SHISA6: variants seen among roughly 807,000 people sequenced by gnomAD.
SHISA6 encodes the protein shisa family member 6, also known as protein shisa-6.
Under a neutral mutation model 47.9 loss-of-function variants are expected in SHISA6, and 22 were observed. That is an observed-to-expected ratio of 0.46 (90% CI 0.33 to 0.66). The LOEUF (loss-of-function observed/expected upper bound fraction) is 0.66. SHISA6 is among the 30% of genes least tolerant of loss of function. SHISA6 has a pLI of 0.02. For missense variants in SHISA6, 680 were observed against 764.6 expected (o/e 0.89, Z 1.30); for synonymous variants, 388 against 337.8 (o/e 1.15, Z -1.63).
intron 2 of SHISA6, among the ~76,000 whole-genome samples, chr17:11,364,234 C>T (rs541116540): frequency 2.5e-4 from 38 of 152,166 alleles, no homozygotes; most frequent in Admixed American, 4.6e-4. Flanking sequence ...AAATAAAGAA[C>T]GTTTCCATCA....
intron 2 of SHISA6, among the ~76,000 whole-genome samples, chr17:11,332,970 G>A (rs1911180185): frequency 6.6e-6 from 1 of 152,204 alleles, no homozygotes; most frequent in Admixed American, 6.5e-5. Flanking sequence ...GTGTCCAGAT[G>A]AGATGGTGAT....
chr17:11,556,826 AAGGCCATGTGTAGG>A (rs2071985636), intron 5 of SHISA6, among the ~76,000 whole-genome samples: 1 of 152,138 alleles, frequency 6.6e-6, no homozygotes, highest in South Asian at 2.1e-4. Context: ...AGAGATCTAG[AAGGCCATGTGTAGG>A]AGGCCTCATT....
chr17:11,470,131 T>G (rs1915902246), intron 3 of SHISA6, among the ~76,000 whole-genome samples: 1 of 152,192 alleles, frequency 6.6e-6, no homozygotes, highest in Admixed American at 6.5e-5. Context: ...GATCTGAAAC[T>G]TCCAGCATCT....
chr17:11,409,301 C>T (rs1414553769), intron 3 of SHISA6, among the ~76,000 whole-genome samples: 1 of 152,144 alleles, frequency 6.6e-6, no homozygotes, highest in South Asian at 2.1e-4. Flanking sequence ...CCCACTTTCC[C>T]CCCCAAAATT....
intron 2 of SHISA6, among the ~76,000 whole-genome samples, chr17:11,300,467 GC>G (rs1909887673): frequency 6.6e-6 from 1 of 152,084 alleles, no homozygotes; most frequent in African/African-American, 2.4e-5. Flanking sequence ...TTTCCAGGCA[GC>G]CCTGTCAGTT....
At chr17:11,315,383 A>G (rs967072255) in intron 2 of SHISA6, among the ~76,000 whole-genome samples, 1 of 152,156 alleles carries the variant, frequency 6.6e-6, no homozygotes, top group African/African-American at 2.4e-5. Flanking sequence ...ACCTGCAAAG[A>G]ATGACAGCTA....
chr17:11,390,353 C>T (rs1264231959), intron 3 of SHISA6, among the ~76,000 whole-genome samples: 1 of 152,134 alleles, frequency 6.6e-6, no homozygotes, highest in Non-Finnish European at 1.5e-5. Flanking sequence ...AGGAGAAACA[C>T]CTGCACCAGA....
chr17:11,386,946 A>G (rs1372146770), intron 3 of SHISA6, among the ~76,000 whole-genome samples: 2 of 152,226 alleles, frequency 1.3e-5, no homozygotes, highest in Non-Finnish European at 2.9e-5. Flanking sequence ...AAATGAGGAC[A>G]GTTGGTCACC....
intron 3 of SHISA6, among the ~76,000 whole-genome samples, chr17:11,432,282 T>G (rs892768676): frequency 1.3e-5 from 2 of 152,176 alleles, no homozygotes; most frequent in Admixed American, 6.6e-5. Flanking sequence ...CAACTCTCAG[T>G]AGGGTGGACT....
intron 2 of SHISA6, among the ~76,000 whole-genome samples, chr17:11,322,572 C>G (rs1910749682): frequency 6.6e-6 from 1 of 152,158 alleles, no homozygotes; most frequent in African/African-American, 2.4e-5. Flanking sequence ...GAAGGACATG[C>G]TGAGGACTTG....
At chr17:11,497,773 C>T (rs909129631) in intron 3 of SHISA6, among the ~76,000 whole-genome samples, 1 of 152,088 alleles carries the variant, frequency 6.6e-6, no homozygotes, top group Non-Finnish European at 1.5e-5. Flanking sequence ...TCCTCCTGGC[C>T]TTCTCTGTCT....
chr17:11,522,421 G>A (rs539874589), intron 3 of SHISA6, among the ~76,000 whole-genome samples: 17 of 152,222 alleles, frequency 1.1e-4, no homozygotes, highest in Middle Eastern at 3.4e-3. Context: ...GCAACAGCAC[G>A]CCTGGGTATT....
chr17:11,347,669 G>A (rs186997263), intron 2 of SHISA6, among the ~76,000 whole-genome samples: 107 of 152,298 alleles, frequency 7.0e-4, no homozygotes, highest in Middle Eastern at 6.8e-3. Context: ...GGAGAAAGGA[G>A]GAGAGAGCAG....
chr17:11,274,038 C>T (rs1908783341), intron 2 of SHISA6, among the ~76,000 whole-genome samples: 1 of 152,180 alleles, frequency 6.6e-6, no homozygotes, highest in African/African-American at 2.4e-5. Context: ...CAAAGCTTTC[C>T]AGAAGCCAGA....
chr17:11,306,536 T>A (rs940344065), intron 2 of SHISA6, among the ~76,000 whole-genome samples: 2 of 152,220 alleles, frequency 1.3e-5, no homozygotes, highest in African/African-American at 4.8e-5. Context: ...GTATTCATCC[T>A]TGGGGTCTTC....
intron 2 of SHISA6, among the ~76,000 whole-genome samples, chr17:11,313,824 G>C (rs775728450): frequency 6.6e-6 from 1 of 152,164 alleles, no homozygotes; most frequent in Non-Finnish European, 1.5e-5. Context: ...GATGCTGGAG[G>C]AGAGATGAGT....
rs147176740 is a variant in SHISA6, at chr17:11,503,797, C to G, written c.896-48099C>G. Among the ~76,000 whole-genome samples the G allele has an allele frequency of 7.3e-3, 1,105 of 152,286 alleles. 8 individuals are homozygous for G. The highest frequency in any genetic ancestry group is 0.012 in the Non-Finnish European group (832 of 68,036). Reference sequence around the variant, plus strand: ...TGCTGTTTCATATAGGAATGTATACCAGATGTAGCCGGCGCTACTGTGGCT... The same window carrying G: ...TGCTGTTTCATATAGGAATGTATACGAGATGTAGCCGGCGCTACTGTGGCT... On this transcript the variant is annotated intron_variant, in intron 3 of 5. Transcript: ENST00000441885.
intron 2 of SHISA6, among the ~76,000 whole-genome samples, chr17:11,271,383 A>G (rs1040878081): frequency 6.6e-6 from 1 of 152,130 alleles, no homozygotes; most frequent in Non-Finnish European, 1.5e-5. Flanking sequence ...GATGATGACA[A>G]ACTCGGGATT....
At chr17:11,379,540 CA>C (rs1567589526) in intron 3 of SHISA6, 31 bp downstream of exon 3, 1 of 1,451,202 alleles carries the variant, frequency 6.9e-7, no homozygotes, top group Admixed American at 2.1e-5. Flanking sequence ...TACTAAAATA[CA>C]GAGGTTGCCT....
Sources: gnomAD v4.1 joint callset for allele counts (sites outside exome capture counted in the v4.1 genomes callset) on GRCh38, gnomAD v4.1.1 for gene constraint, MANE v1.5 for transcripts, NCBI Gene and HGNC (gene_info 2026-07-23, HGNC 2026-07-21) for gene names.